Variants in TEX11 observed in about 807,000 individuals in gnomAD.
The protein encoded by TEX11 is testis-expressed protein 11.
Under a neutral mutation model 84.4 loss-of-function variants are expected in TEX11, and 7 were observed. That is an observed-to-expected ratio of 0.08 (90% CI 0.05 to 0.16). The LOEUF (loss-of-function observed/expected upper bound fraction) is 0.16, where lower values mean the gene tolerates loss of function less well. Ranked by LOEUF, TEX11 falls within the 10% of genes least tolerant of loss-of-function variation. The pLI is 1.00. For missense variants in TEX11, 551 were observed against 660.5 expected (o/e 0.83, Z 1.82); for synonymous variants, 264 against 222.8 (o/e 1.18, Z -1.64).
chrX:70,865,127 T>A (rs1032195405), intron 4 of TEX11, among the ~76,000 whole-genome samples: 1 of 111,154 alleles, frequency 9.0e-6, no homozygotes, highest in African/African-American at 3.3e-5. Flanking sequence ...TCAAGACCCA[T>A]CAGTGTGCTG....
chrX:70,879,205 A>T (rs2091670617), intron 3 of TEX11, among the ~76,000 whole-genome samples: 1 of 111,006 alleles, frequency 9.0e-6, no homozygotes, highest in African/African-American at 3.3e-5. Flanking sequence ...TTCTAAAATT[A>T]ACTAACTGTG....
At chrX:70,813,444 T>C (rs189597597) in intron 8 of TEX11, among the ~76,000 whole-genome samples, 105 of 111,851 alleles carry the variant, frequency 9.4e-4, no homozygotes, top group Non-Finnish European at 1.5e-3. Context: ...TGATGGGATG[T>C]ATCTTGAAAT....
chrX:70,513,652 G>A, the TEX11 span, among the ~76,000 whole-genome samples: 13 of 106,322 alleles, frequency 1.2e-4, 2 homozygotes, highest in Non-Finnish European at 1.7e-4. Flanking sequence ...GGGCACAGTG[G>A]GGTGATCCCC....
At chrX:70,672,037 G>A (rs1480422976) in intron 15 of TEX11, among the ~76,000 whole-genome samples, 1 of 107,743 alleles carries the variant, frequency 9.3e-6, no homozygotes, top group Non-Finnish European at 1.9e-5. Flanking sequence ...AGTTATGGAT[G>A]TGCTTTCTAT....
intron 11 of TEX11, among the ~76,000 whole-genome samples, chrX:70,730,159 C>A (rs763887154): frequency 2.7e-5 from 3 of 111,836 alleles, no homozygotes; most frequent in Non-Finnish European, 3.8e-5. Context: ...CTGAAAGAAG[C>A]ACTAAACATG....
At chrX:70,637,371 C>T (rs1159735459) in intron 17 of TEX11, among the ~76,000 whole-genome samples, 2 of 112,479 alleles carry the variant, frequency 1.8e-5, no homozygotes, top group African/African-American at 6.5e-5. Context: ...TCTCGAAGAC[C>T]TACAGGCAGA....
intron 13 of TEX11, among the ~76,000 whole-genome samples, chrX:70,712,357 T>C (rs1044382098): frequency 5.4e-5 from 6 of 111,789 alleles, no homozygotes; most frequent in African/African-American, 1.6e-4. Context: ...GGGGATTGCA[T>C]TGAATCTATA....
chrX:70,845,930 A>G (rs190501705), intron 7 of TEX11: 148 of 112,113 alleles, frequency 1.3e-3, no homozygotes, highest in African/African-American at 4.6e-3. Flanking sequence ...CAAAAGTGCT[A>G]TATGAGTGTT....
intron 9 of TEX11, among the ~76,000 whole-genome samples, chrX:70,792,073 C>A (rs1434541940): frequency 7.1e-5 from 7 of 98,089 alleles, no homozygotes; most frequent in African/African-American, 2.6e-4. Flanking sequence ...TGTGGTGAGC[C>A]GAGATTGCGC....
intron 8 of TEX11, among the ~76,000 whole-genome samples, chrX:70,824,784 T>A (rs2091336274): frequency 9.0e-6 from 1 of 111,563 alleles, no homozygotes; most frequent in Non-Finnish European, 1.9e-5. Flanking sequence ...AACAAAAACT[T>A]TGATAACTGA....
intron 9 of TEX11, among the ~76,000 whole-genome samples, chrX:70,757,300 C>A (rs1397748530): frequency 2.7e-5 from 3 of 110,920 alleles, no homozygotes; most frequent in Non-Finnish European, 5.7e-5. Flanking sequence ...AGAAGAGCAA[C>A]CCCAAGACAC....
At chrX:70,731,833 G>C (rs948595786) in intron 11 of TEX11, among the ~76,000 whole-genome samples, 1 of 110,519 alleles carries the variant, frequency 9.0e-6, no homozygotes, top group African/African-American at 3.3e-5. Flanking sequence ...TACCAAAGCC[G>C]GGCAGAGACA....
chrX:70,842,274 T>A lies in TEX11; in HGVS notation c.526-8681A>T, dbSNP rs758751972. On this transcript the variant is annotated intron_variant, in intron 7 of 29. Coordinates refer to ENST00000374333, the MANE Select transcript of TEX11 (RefSeq NM_031276.3). ...CGAATTCAGCAGCACATCAAAAAGC[T>A]TATCCACCATGATTAAGTGGGCTTC... Among the ~76,000 whole-genome samples, 31 of 111,321 alleles carry A rather than the reference T, an allele frequency of 2.8e-4. No homozygotes were observed. In the East Asian group the frequency reaches 8.5e-3, roughly 30 times the overall value.
chrX:70,592,049 T>G (rs1044273334), intron 24 of TEX11, among the ~76,000 whole-genome samples: 4 of 111,708 alleles, frequency 3.6e-5, no homozygotes, highest in African/African-American at 1.3e-4. Context: ...TCTTGAGCAT[T>G]ATCAATTTCT....
At chrX:70,882,317 GTTTGT>G (rs1254642621) in intron 2 of TEX11, among the ~76,000 whole-genome samples, 1 of 110,895 alleles carries the variant, frequency 9.0e-6, no homozygotes, top group Non-Finnish European at 1.9e-5. Flanking sequence ...ACTTTCGTTT[GTTTGT>G]TTTGTTTTGT....
At chrX:70,575,390 A>G (rs2147469798) in intron 25 of TEX11, among the ~76,000 whole-genome samples, 1 of 112,161 alleles carries the variant, frequency 8.9e-6, no homozygotes, top group East Asian at 2.8e-4. Context: ...TAAGAGGTGG[A>G]ACCTTTAATA....
intron 13 of TEX11, among the ~76,000 whole-genome samples, chrX:70,714,491 A>T (rs1366440986): frequency 2.7e-5 from 3 of 111,566 alleles, no homozygotes; most frequent in Non-Finnish European, 1.9e-5. Context: ...TTGGGTGCAT[A>T]TATATTTAGG....
At chrX:70,582,757 TA>T (rs751048267) in intron 25 of TEX11, among the ~76,000 whole-genome samples, 11,247 of 84,738 alleles carry the variant, frequency 0.13, 590 homozygotes, top group Middle Eastern at 0.22. Context: ...TTTATTTATT[TA>T]TTTATGTGAT....
chrX:70,771,312 T>C (rs1255752842), intron 9 of TEX11, among the ~76,000 whole-genome samples: 1 of 112,367 alleles, frequency 8.9e-6, no homozygotes, highest in African/African-American at 3.2e-5. Flanking sequence ...AGTAATGTCA[T>C]TAAATCTCAT....
Sources: allele counts gnomAD v4.1 joint callset (sites outside exome capture counted in the v4.1 genomes callset), GRCh38; gene constraint gnomAD v4.1.1; transcripts MANE v1.5; gene names NCBI Gene and HGNC (gene_info 2026-07-23, HGNC 2026-07-21).